Variants in SMIM20 observed in about 807,000 individuals in gnomAD.
SMIM20 encodes the protein small integral membrane protein 20.
A neutral mutation model predicts 8.7 loss-of-function variants in SMIM20; 3 were observed. The observed-to-expected ratio is 0.34, with a 90% CI of 0.16 to 0.89. SMIM20 has a LOEUF of 0.89. Among genes scored for constraint, SMIM20 ranks in the 40% least tolerant of loss-of-function variants. The pLI is 0.49. For synonymous variants in SMIM20, 44 were observed against 33.6 expected (o/e 1.31, Z -1.07); for missense variants, 85 against 84.8 (o/e 1.00, Z -0.01).
chr4:25,915,452 G>C (rs892446041), intron 1 of SMIM20, among the ~76,000 whole-genome samples: 2 of 152,220 alleles, frequency 1.3e-5, no homozygotes, highest in Non-Finnish European at 2.9e-5. Context: ...GAAGGCGAAA[G>C]CTCCGTGTAA....
intron 1 of SMIM20, among the ~76,000 whole-genome samples, chr4:25,919,589 C>A (rs1160206006): frequency 7.9e-5 from 12 of 152,094 alleles, no homozygotes; most frequent in Admixed American, 7.2e-4. Context: ...CTCAGGCAAT[C>A]CGGCTGTCTC....
At chr4:25,926,458 G>T (rs545247276) in intron 1 of SMIM20, among the ~76,000 whole-genome samples, 6 of 152,316 alleles carry the variant, frequency 3.9e-5, no homozygotes, top group Non-Finnish European at 8.8e-5. Context: ...AAACTACAGA[G>T]GTGTTTGCAT....
intron 1 of SMIM20, among the ~76,000 whole-genome samples, chr4:25,916,807 C>A (rs780658556): frequency 9.9e-5 from 15 of 152,156 alleles, no homozygotes; most frequent in Non-Finnish European, 1.9e-4. Context: ...CCTCCTGCCT[C>A]AGCCTCCCAA....
intron 1 of SMIM20, among the ~76,000 whole-genome samples, chr4:25,919,520 T>C (rs1051413490): frequency 4.2e-4 from 63 of 151,434 alleles, no homozygotes; most frequent in African/African-American, 1.4e-3. Context: ...TTTTTTTTCC[T>C]GTATTTTAGT....
At chr4:25,916,146 G>A (rs1286186377) in intron 1 of SMIM20, among the ~76,000 whole-genome samples, 1 of 152,196 alleles carries the variant, frequency 6.6e-6, no homozygotes, top group Non-Finnish European at 1.5e-5. Flanking sequence ...TGAACATTTA[G>A]TGAATGTAAC....
At position 25,928,328 on chromosome 4, in the gene SMIM20, T is replaced by C; in HGVS notation, c.125T>C (p.Ile42Thr). 1 of 1,550,256 alleles carries C rather than the reference T, an allele frequency of 6.5e-7. No individual in the cohort carries two copies. The highest frequency in any genetic ancestry group is 8.7e-7 in the Non-Finnish European group (1 of 1,146,498). The change falls in exon 2 of 3, where the codon ATA becomes ACA. Residue 42 changes from isoleucine (I) to threonine (T), a missense_variant. Physicochemically the swap from Ile to Thr is moderately conservative, Grantham distance 89. Transcript: ENST00000506197. ...RLEEYKKEQAINRAGIVQEDV... is the reference protein window; with the variant it reads ...RLEEYKKEQATNRAGIVQEDV... ...TGTTTCTCAGAGAAGGAACAAGCTA[T>C]AAATCGGGCTGGAATTGTTCAAGAG...
intron 1 of SMIM20, among the ~76,000 whole-genome samples, chr4:25,921,313 C>T (rs1276911085): frequency 6.6e-6 from 1 of 152,038 alleles, no homozygotes; most frequent in Non-Finnish European, 1.5e-5. Flanking sequence ...GCAGGAGGAT[C>T]GCTGGAGTCC....
chr4:25,928,385 AAAATC>A lies in SMIM20; in HGVS notation c.166+20_166+24del, dbSNP rs1332273259. On this transcript the variant is annotated intron_variant, in intron 2 of 2. Transcript: ENST00000506197. ...CAGCCACCAGGTAAACTGAAAAAAA[AAAATC>A]AAAACCAAATCTTATTTGTACTACT... The A allele has an allele frequency of 3.2e-6, 5 of 1,548,754 alleles. No homozygotes were observed. Among genetic ancestry groups the A allele is most frequent in the Non-Finnish European group, 4.4e-6 (5 of 1,146,056 alleles).
At chr4:25,929,042 A>G (rs1711583029) in intron 2 of SMIM20, 112 bp from the exon 3 acceptor site, 3 of 1,321,884 alleles carry the variant, frequency 2.3e-6, no homozygotes, top group South Asian at 2.8e-5. Flanking sequence ...ATCTCAAACT[A>G]CACTGTAAAT....
chr4:25,924,441 C>T (rs1206646711), intron 1 of SMIM20, among the ~76,000 whole-genome samples: 1 of 152,104 alleles, frequency 6.6e-6, no homozygotes. Flanking sequence ...CACTGTACTC[C>T]AGCCTGGGTG....
chr4:25,914,386 A>G lies in SMIM20; in HGVS notation c.73A>G (p.Ile25Val), dbSNP rs986078477. Residue 25 changes from isoleucine to valine, a missense_variant, in exon 1 of 3, where the codon ATC becomes GTC. Ile to Val is a conservative substitution (Grantham distance 29, BLOSUM62 3). Transcript: ENST00000506197. Reference protein sequence around the residue: ...ISLIGAAFYPIYFRPLMRLEE... With the variant: ...ISLIGAAFYPVYFRPLMRLEE... Reference sequence around the variant, plus strand: ...CCTGATCGGCGCCGCCTTCTATCCCATCTACTTCCGGCCCCTAATGAGATT... The same window carrying G: ...CCTGATCGGCGCCGCCTTCTATCCCGTCTACTTCCGGCCCCTAATGAGATT... 2.6e-6 allele frequency: 4 copies of G among 1,538,760 alleles called. No homozygotes were observed. The African/African-American group carries it at 5.5e-5, about 21-fold the overall frequency.
intron 1 of SMIM20, among the ~76,000 whole-genome samples, chr4:25,914,634 C>T (rs1719043413): frequency 6.6e-6 from 1 of 152,184 alleles, no homozygotes; most frequent in South Asian, 2.1e-4. Context: ...GTGGCTACGT[C>T]ATCTATGCTA....
chr4:25,920,226 G>C lies in SMIM20; in HGVS notation c.109+5804G>C, dbSNP rs535999305. 2.6e-5 allele frequency among the ~76,000 whole-genome samples: 4 copies of C among 152,238 alleles called. No individual in the cohort carries two copies. The East Asian group carries it at 7.7e-4, about 29-fold the overall frequency. On this transcript the variant is annotated intron_variant, in intron 1 of 2. Transcript: ENST00000506197. Reference sequence around the variant, plus strand: ...GGTTATTGAAGTATAGTCATGTGCTGTATCATATTTTGGCCCGCGATAGAC... The same window carrying C: ...GGTTATTGAAGTATAGTCATGTGCTCTATCATATTTTGGCCCGCGATAGAC...
In SMIM20 at chr4:25,928,354, G is replaced by C; in HGVS notation, c.151G>C (p.Asp51His). 1.3e-6 allele frequency: 2 copies of C among 1,549,638 alleles called. No homozygotes were observed. Among genetic ancestry groups the C allele is most frequent in the Non-Finnish European group, 1.7e-6 (2 of 1,146,164 alleles). Residue 51 changes from aspartate (D) to histidine (H), a missense_variant, in exon 2 of 3, where the codon GAT (aspartate) becomes CAT (histidine). Asp to His is a moderately conservative substitution (Grantham distance 81). Coordinates refer to ENST00000506197, the MANE Select transcript of SMIM20 (RefSeq NM_001145432.3). ...AAATCGGGCTGGAATTGTTCAAGAG[G>C]ATGTGCAGCCACCAGGTAAACTGAA... Reference protein sequence around the residue: ...AINRAGIVQEDVQPPGLKVWS... With the variant: ...AINRAGIVQEHVQPPGLKVWS...
At chr4:25,923,063 G>GTTC (rs1719226521) in intron 1 of SMIM20, among the ~76,000 whole-genome samples, 2 of 152,242 alleles carry the variant, frequency 1.3e-5, no homozygotes, top group African/African-American at 4.8e-5. Context: ...GTACAAGGCA[G>GTTC]TTCTGTACAT....
intron 1 of SMIM20, among the ~76,000 whole-genome samples, chr4:25,915,803 G>A (rs772655544): frequency 7.3e-6 from 1 of 137,294 alleles, no homozygotes; most frequent in Non-Finnish European, 1.5e-5. Flanking sequence ...ATTTTGCCCC[G>A]CAGGATATTT....
chr4:25,929,381 A>G lies in SMIM20; in HGVS notation c.*190A>G. ...ATTTCCCTTCTTAAGTATCAAAAGA[A>G]CTCTGGAACAAATTATACCATTAGG... is the stretch of plus-strand genomic sequence containing the variant. On this transcript the variant is annotated 3_prime_UTR_variant, in exon 3 of 3. Coordinates refer to ENST00000506197, the MANE Select transcript of SMIM20 (RefSeq NM_001145432.3). The G allele has an allele frequency of 1.8e-6, 1 of 559,968 alleles. No individual in the cohort carries two copies. Among genetic ancestry groups the G allele is most frequent in the South Asian group, 3.1e-5 (1 of 31,952 alleles). 34.7% of individuals were successfully genotyped at this position (559,968 alleles called of 1,614,324 possible).
At chr4:25,926,273 C>T (rs1170162380) in intron 1 of SMIM20, among the ~76,000 whole-genome samples, 1 of 152,208 alleles carries the variant, frequency 6.6e-6, no homozygotes, top group Non-Finnish European at 1.5e-5. Flanking sequence ...TCTGCATTCA[C>T]AGATAAAGTG....
chr4:25,914,421 C>T lies in SMIM20; in HGVS notation c.108C>T (p.Tyr36=), dbSNP rs1719038374. The change falls in exon 1 of 3, where the codon TAC becomes TAT. Residue 36 remains tyrosine (Y), a splice_region_variant and synonymous_variant. Transcript: ENST00000506197. Reference sequence around the variant, plus strand: ...GGCCCCTAATGAGATTGGAGGAGTACAGTGAGTGATCTCTAACCCCTTGCG... The same window carrying T: ...GGCCCCTAATGAGATTGGAGGAGTATAGTGAGTGATCTCTAACCCCTTGCG... ...YFRPLMRLEE[Y]KKEQAINRAG... 1.3e-6 allele frequency: 2 copies of T among 1,495,962 alleles called. No individual in the cohort carries two copies. The highest frequency in any genetic ancestry group is 2.2e-5 in the Admixed American group (1 of 45,100). 92.7% of individuals were successfully genotyped at this position (1,495,962 alleles called of 1,614,324 possible).
Sources: gnomAD v4.1 joint callset for allele counts (sites outside exome capture counted in the v4.1 genomes callset) on GRCh38, gnomAD v4.1.1 for gene constraint, MANE v1.5 for transcripts, NCBI Gene and HGNC (gene_info 2026-07-23, HGNC 2026-07-21) for gene names.